The following CACNA2D3 variants were observed in gnomAD, a reference collection of about 807,000 sequenced individuals.
The protein encoded by CACNA2D3 is calcium voltage-gated channel auxiliary subunit alpha2delta 3.
CACNA2D3 carries 60 observed loss-of-function variants against 160.6 expected under a neutral mutation model. The ratio of observed to expected loss-of-function variants is 0.37; its 90% CI spans 0.30 to 0.46. The LOEUF (loss-of-function observed/expected upper bound fraction) is 0.46. CACNA2D3 is among the 20% of genes least tolerant of loss of function. The probability of loss-of-function intolerance (pLI) is 1.00; values close to 1 mark genes in which losing one functional copy is unlikely to be tolerated. For synonymous variants in CACNA2D3, 558 were observed against 492.9 expected (o/e 1.13, Z -1.75); for missense variants, 1,205 against 1,365.0 (o/e 0.88, Z 1.85).
chr3:54,400,491 C>G (rs1359790163), intron 4 of CACNA2D3, among the ~76,000 whole-genome samples: 3 of 152,136 alleles, frequency 2.0e-5, no homozygotes, highest in Admixed American at 2.0e-4. Context: ...ATCTTCTCAT[C>G]TAAGACTCAC....
At position 54,658,785 on chromosome 3, in the gene CACNA2D3, C is replaced by T. The variant is rs1296229354; in HGVS notation, c.1167+16544C>T. On this transcript the variant is annotated intron_variant, in intron 11 of 37. Transcript: ENST00000474759. The stretch of plus-strand genomic sequence containing the variant: ...TGGTACCAAAGATCCCCCCAAACCT[C>T]CACTCACTCCCCGCTCAGTGCAGAG... Among the ~76,000 whole-genome samples the T allele has an allele frequency of 4.6e-5, 7 of 151,958 alleles. No homozygotes were observed. In the East Asian group the frequency reaches 1.4e-3, roughly 29 times the overall value.
intron 29 of CACNA2D3, among the ~76,000 whole-genome samples, chr3:54,977,481 A>G (rs564514203): frequency 9.8e-5 from 15 of 152,312 alleles, no homozygotes; most frequent in African/African-American, 2.9e-4. Flanking sequence ...GTATTAGGCA[A>G]ACAGAAAGAT....
chr3:54,912,130 AC>A (rs1441305945), intron 27 of CACNA2D3, among the ~76,000 whole-genome samples: 1 of 152,130 alleles, frequency 6.6e-6, no homozygotes, highest in African/African-American at 2.4e-5. Context: ...GACCTCTCTT[AC>A]CTCCTTGCCA....
At chr3:55,022,478 A>G (rs577298514) in intron 35 of CACNA2D3, among the ~76,000 whole-genome samples, 2 of 152,104 alleles carry the variant, frequency 1.3e-5, no homozygotes, top group South Asian at 4.2e-4. Context: ...GAGTATTTCT[A>G]CCATCATTTT....
intron 15 of CACNA2D3, among the ~76,000 whole-genome samples, chr3:54,837,713 G>T (rs974673152): frequency 2.4e-4 from 36 of 152,014 alleles, no homozygotes; most frequent in Non-Finnish European, 1.9e-4. Context: ...CAGCTTCTCG[G>T]GGCCCCCAGC....
At chr3:54,962,647 G>T (rs951726287) in intron 27 of CACNA2D3, among the ~76,000 whole-genome samples, 3 of 152,204 alleles carry the variant, frequency 2.0e-5, no homozygotes, top group African/African-American at 7.2e-5. Context: ...CACAGCAGTG[G>T]TCTTAAAACG....
chr3:55,024,559 C>A (rs191529437), intron 35 of CACNA2D3, among the ~76,000 whole-genome samples: 1 of 152,202 alleles, frequency 6.6e-6, no homozygotes, highest in African/African-American at 2.4e-5. Flanking sequence ...CATGTAAAGA[C>A]ACAGCTAAAA....
chr3:54,443,091 G>T (rs1017645825), intron 4 of CACNA2D3, among the ~76,000 whole-genome samples: 9 of 152,176 alleles, frequency 5.9e-5, no homozygotes, highest in African/African-American at 2.2e-4. Context: ...GCTCACAGTA[G>T]GTGCTGAATA....
At chr3:54,412,707 T>C (rs1357162966) in intron 4 of CACNA2D3, among the ~76,000 whole-genome samples, 2 of 151,544 alleles carry the variant, frequency 1.3e-5, no homozygotes, top group East Asian at 1.9e-4. Flanking sequence ...TGCCTTCTTA[T>C]ATACTTTCTC....
At chr3:54,251,581 T>G (rs1702190671) in intron 2 of CACNA2D3, among the ~76,000 whole-genome samples, 1 of 152,244 alleles carries the variant, frequency 6.6e-6, no homozygotes, top group African/African-American at 2.4e-5. Flanking sequence ...AATGTCAACC[T>G]ATTTTGGTCA....
intron 11 of CACNA2D3, among the ~76,000 whole-genome samples, chr3:54,745,348 G>A (rs1559567069): frequency 6.6e-6 from 1 of 152,210 alleles, no homozygotes; most frequent in East Asian, 1.9e-4. Flanking sequence ...GACCTCGAGT[G>A]TGAGAGCCTG....
At chr3:54,844,396 G>A (rs1698888700) in intron 16 of CACNA2D3, among the ~76,000 whole-genome samples, 1 of 152,158 alleles carries the variant, frequency 6.6e-6, no homozygotes, top group South Asian at 2.1e-4. Flanking sequence ...TAAGGAAACA[G>A]AGATGGCACT....
At chr3:54,384,896 T>G (rs1699163305) in intron 3 of CACNA2D3, among the ~76,000 whole-genome samples, 1 of 152,044 alleles carries the variant, frequency 6.6e-6, no homozygotes, top group Non-Finnish European at 1.5e-5. Flanking sequence ...ATTTTTGTGT[T>G]TTTTGTTGAG....
intron 14 of CACNA2D3, among the ~76,000 whole-genome samples, chr3:54,817,492 C>T (rs1703482750): frequency 6.6e-6 from 1 of 152,170 alleles, no homozygotes; most frequent in Non-Finnish European, 1.5e-5. Flanking sequence ...CTGTGTCACC[C>T]TCATAGCATG....
intron 5 of CACNA2D3, among the ~76,000 whole-genome samples, chr3:54,519,055 T>C (rs1363531532): frequency 3.3e-5 from 5 of 152,286 alleles, no homozygotes; most frequent in Non-Finnish European, 7.3e-5. Context: ...GTGACGAACA[T>C]GCTCTGTGCA....
intron 35 of CACNA2D3, among the ~76,000 whole-genome samples, chr3:55,057,142 C>A (rs1294204332): frequency 6.6e-6 from 1 of 152,178 alleles, no homozygotes; most frequent in Non-Finnish European, 1.5e-5. Context: ...TGAATAGCCA[C>A]TATGTAAGAC....
intron 11 of CACNA2D3, among the ~76,000 whole-genome samples, chr3:54,689,446 C>G (rs1223664175): frequency 6.6e-6 from 1 of 152,082 alleles, no homozygotes; most frequent in Non-Finnish European, 1.5e-5. Flanking sequence ...AGACCTCTTT[C>G]CTGAAGCTCA....
chr3:54,881,319 G>A (rs1158839125), intron 21 of CACNA2D3, among the ~76,000 whole-genome samples: 1 of 152,136 alleles, frequency 6.6e-6, no homozygotes, highest in South Asian at 2.1e-4. Flanking sequence ...ACACAGTTGA[G>A]CCACGTATTT....
chr3:54,629,172 G>T (rs1193525304), intron 10 of CACNA2D3, among the ~76,000 whole-genome samples: 1 of 151,982 alleles, frequency 6.6e-6, no homozygotes, highest in Non-Finnish European at 1.5e-5. Context: ...GCAGGAGCTG[G>T]GAGACCAGCA....
Sources: allele counts gnomAD v4.1 joint callset (sites outside exome capture counted in the v4.1 genomes callset), GRCh38; gene constraint gnomAD v4.1.1; transcripts MANE v1.5; gene names NCBI Gene and HGNC (gene_info 2026-07-23, HGNC 2026-07-21).